Variants in RBM39 observed in about 807,000 individuals in gnomAD.
The protein encoded by RBM39 is RNA binding motif protein 39, also known as RNA-binding protein 39.
RBM39 carries 12 observed loss-of-function variants against 79.6 expected under a neutral mutation model. The observed-to-expected ratio is 0.15, with a 90% confidence interval of 0.10 to 0.24. The LOEUF (loss-of-function observed/expected upper bound fraction) is 0.24, where lower values mean the gene tolerates loss of function less well. Ranked by LOEUF, RBM39 falls within the 10% of genes least tolerant of loss-of-function variation. The pLI is 1.00. For missense variants in RBM39, 243 were observed against 653.4 expected, an observed-to-expected ratio of 0.37 and a Z score of 6.85; for synonymous variants, 185 against 208.4, an observed-to-expected ratio of 0.89 and a Z score of 0.97.
At chr20:35,737,857 A>C (rs866253492) in intron 3 of RBM39, among the ~76,000 whole-genome samples, 5,810 of 145,832 alleles carry the variant, frequency 0.04, 159 homozygotes, top group African/African-American at 0.072. Flanking sequence ...TCAAAAAAAA[A>C]AAAAAAAAAA....
intron 11 of RBM39, chr20:35,713,983 T>C: frequency 1.8e-6 from 1 of 566,302 alleles, no homozygotes; most frequent in Middle Eastern, 4.7e-4. Flanking sequence ...CAACTTATAC[T>C]GTGGCATTCA....
chr20:35,710,683 G>A (rs1197567298), intron 12 of RBM39: 3 of 152,114 alleles, frequency 2.0e-5, no homozygotes, highest in Admixed American at 1.3e-4. Context: ...CTCAAACACA[G>A]TAAACACTCA....
At chr20:35,725,549 G>C (rs1382895348) in intron 6 of RBM39, among the ~76,000 whole-genome samples, 1 of 152,088 alleles carries the variant, frequency 6.6e-6, no homozygotes, top group Non-Finnish European at 1.5e-5. Context: ...CCAAAGTGGT[G>C]GGATAACAGG....
At chr20:35,729,830 C>T (rs1444360842) in intron 4 of RBM39, among the ~76,000 whole-genome samples, 3 of 78,186 alleles carry the variant, frequency 3.8e-5, no homozygotes, top group Non-Finnish European at 8.5e-5. Context: ...TATATATATA[C>T]AGTCTTGAGA....
At chr20:35,736,596 CAAAT>C in intron 3 of RBM39, 1 of 469,492 alleles carries the variant, frequency 2.1e-6, no homozygotes. Flanking sequence ...AAAAAGAAAT[CAAAT>C]AAATGGCTAT....
Position 35,709,291 on chromosome 20 carries a change from G to A in RBM39, c.1175-17C>T. 1 of 1,591,600 alleles carries A rather than the reference G, an allele frequency of 6.3e-7. No individual in the cohort carries two copies. The highest frequency in any genetic ancestry group is 8.5e-7 in the Non-Finnish European group (1 of 1,170,158). ...AAGAGAATTCTACAGCTCAGTGCAG[G>A]AACAATGAAGAGCCTCAACTAACAG... On this transcript the variant is annotated splice_polypyrimidine_tract_variant and intron_variant, in intron 12 of 16. Transcript: ENST00000253363.
chr20:35,709,638 G>A (rs1310677453), intron 12 of RBM39, among the ~76,000 whole-genome samples: 2 of 152,096 alleles, frequency 1.3e-5, no homozygotes. Flanking sequence ...CTTGGGAAAT[G>A]CAAGTATTTA....
chr20:35,723,869 T>C (rs1409375916), intron 8 of RBM39, among the ~76,000 whole-genome samples: 1 of 152,078 alleles, frequency 6.6e-6, no homozygotes, highest in Non-Finnish European at 1.5e-5. Flanking sequence ...GGCAAGACCC[T>C]GTTTCTTAAA....
chr20:35,722,059 G>A (rs963406384), intron 8 of RBM39, among the ~76,000 whole-genome samples, 182 bp from the exon 9 acceptor site: 21 of 152,084 alleles, frequency 1.4e-4, no homozygotes, highest in African/African-American at 3.4e-4. Flanking sequence ...AGAAAGAGGA[G>A]GTAGATAACA....
chr20:35,717,309 A>C (rs975897701), intron 9 of RBM39, among the ~76,000 whole-genome samples: 5 of 151,944 alleles, frequency 3.3e-5, no homozygotes, highest in East Asian at 1.9e-4. Flanking sequence ...AAAAAAAAAA[A>C]CAAACTCTAG....
chr20:35,735,210 G>C, intron 3 of RBM39: 3 of 1,283,978 alleles, frequency 2.3e-6, no homozygotes. Flanking sequence ...TCTCTAAAGA[G>C]CTTAACGGAA....
rs200455637 is a variant in RBM39 at position 35,731,994 on chromosome 20, C to A, written c.243G>T (p.Arg81=). ...TTCGATCTCGACTTCTTGAGCGGCT[C>A]CGTCGCCTCTCTTTGCTTCTACTTC... The part of the protein sequence containing the change: ...RKRSRSKERR[R]SRSRSRDRRF... The change falls in exon 4 of 17, where the codon CGG becomes CGT. Residue 81 remains arginine, a synonymous_variant. Transcript: ENST00000253363. 5.0e-6 allele frequency: 8 copies of A among 1,614,160 alleles called. No individual in the cohort carries two copies. The East Asian group carries it at 1.6e-4, about 31-fold the overall frequency.
At chr20:35,717,642 G>T (rs948885921) in intron 9 of RBM39, among the ~76,000 whole-genome samples, 2 of 152,160 alleles carry the variant, frequency 1.3e-5, no homozygotes, top group African/African-American at 2.4e-5. Context: ...TCAGTGAACT[G>T]TAACACAATC....
rs1283410875 is a variant in RBM39, at chr20:35,707,195, G to A, written c.1232C>T (p.Ala411Val). 6.2e-7 allele frequency: 1 copy of A among 1,604,046 alleles called. No homozygotes were observed. Among genetic ancestry groups the A allele is most frequent in the Non-Finnish European group, 8.5e-7 (1 of 1,173,298 alleles). Residue 411 changes from alanine (A) to valine (V), a missense_variant, in exon 14 of 17, where the codon GCT becomes GTT. Physicochemically the swap from Ala to Val is moderately conservative, Grantham distance 64. This residue lies in a region of RBM39 where 19 missense variants were observed against 16.1 expected (regional missense o/e 1.18). Coordinates refer to ENST00000253363, the MANE Select transcript of RBM39 (RefSeq NM_184234.3). ...TRLSQQTEAS[A>V]LAAAASVQPL... The stretch of plus-strand genomic sequence containing the variant: ...CTGAACAGAGGCAGCTGCAGCTAAA[G>A]CTGAAGCTAAAAAAAGAAAGAGAAA...
intron 14 of RBM39, among the ~76,000 whole-genome samples, 162 bp downstream of exon 14, chr20:35,706,958 C>A (rs537479654): frequency 2.2e-5 from 3 of 133,436 alleles, no homozygotes; most frequent in African/African-American, 8.2e-5. Context: ...ACCCAGGAGG[C>A]GGAGGTTGCA....
intron 6 of RBM39, 110 bp from the exon 7 acceptor site, chr20:35,725,265 T>C (rs2038513047): frequency 5.6e-6 from 4 of 710,176 alleles, no homozygotes; most frequent in Non-Finnish European, 9.2e-6. Context: ...AGGTGGGTTT[T>C]GGTTACATAG....
At chr20:35,738,104 C>T (rs770138199) in intron 3 of RBM39, among the ~76,000 whole-genome samples, 1 of 148,862 alleles carries the variant, frequency 6.7e-6, no homozygotes, top group African/African-American at 2.5e-5. Flanking sequence ...TGCAGTGAGC[C>T]GTGATAGAAC....
chr20:35,716,663 G>A (rs1005315395), intron 10 of RBM39, 77 bp downstream of exon 10: 2 of 879,446 alleles, frequency 2.3e-6, no homozygotes, highest in East Asian at 2.7e-5. Context: ...AGGAGCTAGA[G>A]ACTAATCTGA....
chr20:35,737,023 C>G (rs1600643539), intron 3 of RBM39, among the ~76,000 whole-genome samples: 1 of 151,464 alleles, frequency 6.6e-6, no homozygotes, highest in African/African-American at 2.4e-5. Context: ...CTTTGGGAAG[C>G]CAAGGCGGGC....
Sources: gnomAD v4.1 joint callset for allele counts (sites outside exome capture counted in the v4.1 genomes callset) on GRCh38, gnomAD v4.1.1 for gene constraint, gnomAD v4.1.1 regional missense constraint, MANE v1.5 for transcripts, NCBI Gene and HGNC (gene_info 2026-07-23, HGNC 2026-07-21) for gene names.